The following LIFR variants were observed in gnomAD, a reference collection of about 807,000 sequenced individuals.
LIFR encodes the protein leukemia inhibitory factor receptor.
A neutral mutation model predicts 122.2 loss-of-function variants in LIFR; 84 were observed. That is an observed-to-expected ratio of 0.69 (90% CI 0.58 to 0.82). The LOEUF is 0.82. Among genes scored for constraint, LIFR ranks in the 40% least tolerant of loss-of-function variants. The probability of loss-of-function intolerance (pLI) is 0.00; values close to 1 mark genes in which losing one functional copy is unlikely to be tolerated. For missense variants in LIFR, 1,294 were observed against 1,311.6 expected (o/e 0.99, Z 0.21); for synonymous variants, 422 against 434.7 (o/e 0.97, Z 0.36).
chr5:38,543,138 T>C (rs1747683380), intron 1 of LIFR, among the ~76,000 whole-genome samples: 1 of 151,924 alleles, frequency 6.6e-6, no homozygotes. Flanking sequence ...GAAAATGACG[T>C]GAAACCATAT....
intron 11 of LIFR, 36 bp from the exon 12 acceptor site, chr5:38,499,619 A>G (rs3729738): frequency 2.2e-6 from 3 of 1,377,992 alleles, no homozygotes; most frequent in East Asian, 2.3e-5. Context: ...ATCTGAAGAC[A>G]CATACTATAT....
intron 2 of LIFR, among the ~76,000 whole-genome samples, chr5:38,606,009 A>T (rs1428400064): frequency 6.6e-6 from 1 of 152,174 alleles, no homozygotes; most frequent in Non-Finnish European, 1.5e-5. Context: ...GGCAAAATAA[A>T]CTTCCTAAAT....
At chr5:38,547,134 G>A (rs1052203788) in intron 1 of LIFR, among the ~76,000 whole-genome samples, 1 of 152,160 alleles carries the variant, frequency 6.6e-6, no homozygotes, top group African/African-American at 2.4e-5. Context: ...GCAATGGTAT[G>A]GGGTAGAACA....
chr5:38,510,695 CCTT>C lies in LIFR; in HGVS notation c.757_759del (p.Lys253del). On this transcript the variant is annotated inframe_deletion, in exon 7 of 20. Coordinates refer to ENST00000453190, the MANE Select transcript of LIFR (RefSeq NM_001127671.2). ...AGTATCACTTTATCTTGAGGAAAAA[CCTT>C]AGTCTGAGAATCAGGTATCCCTAGA... 6.2e-7 allele frequency: 1 copy of C among 1,612,526 alleles called. No individual in the cohort carries two copies. The highest frequency in any genetic ancestry group is 8.5e-7 in the Non-Finnish European group (1 of 1,178,852).
chr5:38,502,603 T>C (rs932454801), intron 11 of LIFR, 34 bp downstream of exon 11: 2 of 1,548,186 alleles, frequency 1.3e-6, no homozygotes, highest in Non-Finnish European at 8.9e-7. Context: ...GAATACACAG[T>C]AATTATTAGC....
rs1743697939 is a variant in LIFR at position 38,475,796 on chromosome 5, T to C, written c.*5799A>G. The C allele has an allele frequency of 1.1e-5, 2 of 188,730 alleles. No homozygotes were observed. Among genetic ancestry groups the C allele is most frequent in the African/African-American group, 2.3e-5 (1 of 42,898 alleles). The allele number at this position is 188,730 out of a possible 1,614,324, so 11.7% of individuals were successfully genotyped here. ...TGAAAGAGAAGAAAACCTAACATCC[T>C]TATTAGGAAAGTTAAGTATTTTGAA... On this transcript the variant is annotated 3_prime_UTR_variant, in exon 20 of 20. Coordinates refer to ENST00000453190, the MANE Select transcript of LIFR (RefSeq NM_001127671.2).
intron 5 of LIFR, among the ~76,000 whole-genome samples, chr5:38,520,220 G>C (rs1374960934): frequency 1.3e-5 from 2 of 152,142 alleles, no homozygotes; most frequent in Non-Finnish European, 2.9e-5. Context: ...CTGGTAAGTA[G>C]TGATATTGAG....
At chr5:38,557,168 C>G (rs1748627872), upstream of LIFR, 1 of 152,370 alleles carries the variant, frequency 6.6e-6, no homozygotes, top group Admixed American at 6.5e-5. Context: ...CCGCCGCTCG[C>G]GTCCTGGTCC....
chr5:38,526,324 G>C (rs1292572978), intron 4 of LIFR, among the ~76,000 whole-genome samples: 1 of 151,874 alleles, frequency 6.6e-6, no homozygotes, highest in Non-Finnish European at 1.5e-5. Flanking sequence ...GCTTCAGAAT[G>C]ACCCAAATTT....
chr5:38,507,725 C>CT (rs1379181005), intron 7 of LIFR, among the ~76,000 whole-genome samples: 1 of 151,434 alleles, frequency 6.6e-6, no homozygotes, highest in East Asian at 1.9e-4. Context: ...GGTAAAAGTT[C>CT]TTTTTTAAAA....
At chr5:38,525,533 A>G (rs1032743153) in intron 4 of LIFR, among the ~76,000 whole-genome samples, 1 of 152,228 alleles carries the variant, frequency 6.6e-6, no homozygotes, top group Non-Finnish European at 1.5e-5. Flanking sequence ...TGGCCAATAC[A>G]GTGTTCAACA....
intron 2 of LIFR, among the ~76,000 whole-genome samples, chr5:38,604,741 G>A (rs892253511): frequency 6.6e-6 from 1 of 151,998 alleles, no homozygotes; most frequent in Non-Finnish European, 1.5e-5. Context: ...ATTTTGCTAA[G>A]ATGAAGGACA....
intron 1 of LIFR, among the ~76,000 whole-genome samples, chr5:38,536,271 AC>A (rs1294154641): frequency 6.6e-6 from 1 of 152,166 alleles, no homozygotes; most frequent in East Asian, 1.9e-4. Flanking sequence ...GGGTTCTGCA[AC>A]CACAGATTCA....
At chr5:38,542,005 A>G (rs1472958137) in intron 1 of LIFR, among the ~76,000 whole-genome samples, 1 of 152,218 alleles carries the variant, frequency 6.6e-6, no homozygotes, top group Non-Finnish European at 1.5e-5. Context: ...CATAATGTCT[A>G]AAATCGTGTC....
intron 6 of LIFR, 97 bp from the exon 7 acceptor site, chr5:38,510,815 A>T (rs1745761264): frequency 1.0e-6 from 1 of 997,712 alleles, no homozygotes; most frequent in South Asian, 1.5e-5. Flanking sequence ...GATGACTTTT[A>T]AAATAGCCCA....
rs146184409 is a variant in LIFR, at chr5:38,535,212, C to A, written c.-19-4546G>T. On this transcript the variant is annotated intron_variant, in intron 1 of 19. Coordinates refer to ENST00000453190, the MANE Select transcript of LIFR (RefSeq NM_001127671.2). ...TAAAATGGCTGCCATTCCACAGCTG[C>A]CAGACCCTTCAGGACTCCTTAGGCC... is the stretch of plus-strand genomic sequence containing the variant. 2.1e-3 allele frequency among the ~76,000 whole-genome samples: 319 copies of A among 152,264 alleles called. 2 individuals are homozygous for A. The highest frequency in any genetic ancestry group is 7.5e-3 in the African/African-American group (313 of 41,546).
intron 11 of LIFR, 49 bp from the exon 12 acceptor site, chr5:38,499,632 AT>A (rs761470286): frequency 3.9e-6 from 5 of 1,279,824 alleles, no homozygotes. Context: ...TACTATATGT[AT>A]ATGGTGCTTG....
intron 1 of LIFR, among the ~76,000 whole-genome samples, chr5:38,593,641 G>T (rs573116030): frequency 6.6e-6 from 1 of 152,300 alleles, no homozygotes; most frequent in Non-Finnish European, 1.5e-5. Flanking sequence ...GAATGTTTAT[G>T]TCTCCCCCAA....
In LIFR at chr5:38,494,117, G is replaced by C. The variant is rs557605225; in HGVS notation, c.1886-332C>G. Reference sequence around the variant, plus strand: ...GCAGCTAAGGACACTGGCTGGGACAGGGTGGGAGAGGGAGACTGGGGAGGG... The same window carrying C: ...GCAGCTAAGGACACTGGCTGGGACACGGTGGGAGAGGGAGACTGGGGAGGG... On this transcript the variant is annotated intron_variant, in intron 13 of 19. Transcript: ENST00000453190. Among the ~76,000 whole-genome samples, 3 of 152,330 alleles carry C rather than the reference G, an allele frequency of 2.0e-5. No individual in the cohort carries two copies. In the South Asian group the frequency reaches 6.2e-4, roughly 32 times the overall value.
Sources: allele counts gnomAD v4.1 joint callset (sites outside exome capture counted in the v4.1 genomes callset), GRCh38; gene constraint gnomAD v4.1.1; transcripts MANE v1.5; gene names NCBI Gene and HGNC (gene_info 2026-07-23, HGNC 2026-07-21).